TFAP2C: variants seen among roughly 807,000 people sequenced by gnomAD.
The protein encoded by TFAP2C is activating enhancer-binding protein 2 gamma.
In TFAP2C, 9 loss-of-function variants were observed where a neutral mutation model predicts 42.9. The ratio of observed to expected loss-of-function variants is 0.21; its 90% CI spans 0.13 to 0.37. The LOEUF (loss-of-function observed/expected upper bound fraction) is 0.37, where lower values mean the gene tolerates loss of function less well. Ranked by LOEUF, TFAP2C falls within the 10% of genes least tolerant of loss-of-function variation. The pLI is 1.00. For missense variants in TFAP2C, 462 were observed against 591.7 expected (o/e 0.78, Z 2.27); for synonymous variants, 264 against 256.0 (o/e 1.03, Z -0.30).
rs774269899 is a variant in TFAP2C at position 56,629,898 on chromosome 20, C to T, written c.48+306C>T. ...TTCCCGTTTTCTCGGAAAAGTGCCCCGTCTGCAACCCTCAGACGTGGCTTT... is the reference window on the plus strand; with the variant it reads ...TTCCCGTTTTCTCGGAAAAGTGCCCTGTCTGCAACCCTCAGACGTGGCTTT... On this transcript the variant is annotated intron_variant, in intron 1 of 6. Coordinates refer to ENST00000201031, the MANE Select transcript of TFAP2C (RefSeq NM_003222.4). This position sits in a 1 kb window ranked among gnomAD's most constrained non-coding sequence, Gnocchi z 5.9. 1.1e-4 allele frequency among the ~76,000 whole-genome samples: 17 copies of T among 152,154 alleles called. No homozygotes were observed. Among genetic ancestry groups the T allele is most frequent in the Non-Finnish European group, 2.2e-4 (15 of 68,026 alleles).
chr20:56,630,632 G>C lies in TFAP2C; in HGVS notation c.49-573G>C, dbSNP rs1987469728. The C allele has an allele frequency of 4.8e-5, 46 of 951,782 alleles. No individual in the cohort carries two copies. The highest frequency in any genetic ancestry group is 5.8e-5 in the Non-Finnish European group (46 of 799,232). The allele number at this position is 951,782 out of a possible 1,614,324, so 59.0% of individuals were successfully genotyped here. A position where few individuals can be genotyped will look rare whatever the true frequency, so the allele number is the denominator to read the frequency against. ...CTCCCTCTTCACTTCCCAGGGCGGCGCAGGGTGGCGGGCCCTGCTTTCCGA... is the reference window on the plus strand; with the variant it reads ...CTCCCTCTTCACTTCCCAGGGCGGCCCAGGGTGGCGGGCCCTGCTTTCCGA... On this transcript the variant is annotated intron_variant, in intron 1 of 6. Coordinates refer to ENST00000201031, the MANE Select transcript of TFAP2C (RefSeq NM_003222.4). This position sits in a 1 kb window ranked among gnomAD's most constrained non-coding sequence, Gnocchi z 5.1.
intron 3 of TFAP2C, 110 bp from the exon 4 acceptor site, chr20:56,633,243 G>T: frequency 1.3e-6 from 1 of 765,556 alleles, no homozygotes. Context: ...CGTGGGGTGT[G>T]CAATGATGCT....
At position 56,633,447 on chromosome 20, in the gene TFAP2C, C is replaced by G. The variant is rs1987531239; in HGVS notation, c.681C>G (p.Val227=). 6.2e-7 allele frequency: 1 copy of G among 1,614,058 alleles called. No homozygotes were observed. Among genetic ancestry groups the G allele is most frequent in the Non-Finnish European group, 8.5e-7 (1 of 1,179,994 alleles). Residue 227 remains valine (V), a synonymous_variant, in exon 4 of 7, where the codon GTC becomes GTG. Transcript: ENST00000201031. ...VMNPTEVFCS[V]PGRLSLLSST... ...ACCCCACTGAGGTCTTCTGCTCAGT[C>G]CCTGGAAGATTGTCGCTCCTCAGCT...
Position 56,630,775 on chromosome 20 carries a change from C to T in TFAP2C, c.49-430C>T, listed in dbSNP as rs1321394867. 1 of 985,318 alleles carries T rather than the reference C, an allele frequency of 1.0e-6. No individual in the cohort carries two copies. The highest frequency in any genetic ancestry group is 1.2e-6 in the Non-Finnish European group (1 of 829,940). 61.0% of individuals were successfully genotyped at this position (985,318 alleles called of 1,614,324 possible). ...TCCGCGCCTGCCGCGCTGCCACCTC[C>T]AGCAGTCCCTGCGTCATGGGCGGGC... On this transcript the variant is annotated intron_variant, in intron 1 of 6. Transcript: ENST00000201031. The surrounding 1 kb of genome is among the most constrained non-coding windows in gnomAD (Gnocchi z 5.1).
chr20:56,631,263 G>A lies in TFAP2C; in HGVS notation c.107G>A (p.Gly36Glu). 1 of 1,589,838 alleles carries A rather than the reference G, an allele frequency of 6.3e-7. No individual in the cohort carries two copies. The highest frequency in any genetic ancestry group is 8.6e-7 in the Non-Finnish European group (1 of 1,169,250). The change falls in exon 2 of 7, where the codon GGG becomes GAG. Residue 36 changes from glycine (G) to glutamate (E), a missense_variant. This residue lies in a region of TFAP2C where 271 missense variants were observed against 269.7 expected (regional missense o/e 1.00). Coordinates refer to ENST00000201031, the MANE Select transcript of TFAP2C (RefSeq NM_003222.4). This position sits in a 1 kb window ranked among gnomAD's most constrained non-coding sequence, Gnocchi z 6.1. ...CGGGTCCCCCACCTCTCCTCCGCCG[G>A]GCAGCACCTCTACAGCCCCGCGCCA... ...NPRVPHLSSA[G>E]QHLYSPAPPL...
chr20:56,635,460 A>G (rs1209583983), intron 5 of TFAP2C, among the ~76,000 whole-genome samples: 1 of 152,102 alleles, frequency 6.6e-6, no homozygotes, highest in African/African-American at 2.4e-5. Context: ...TTGGACAGGG[A>G]AAAGGGTGCT....
Position 56,630,602 on chromosome 20 carries a change from G to A in TFAP2C, c.49-603G>A. On this transcript the variant is annotated intron_variant, in intron 1 of 6. Coordinates refer to ENST00000201031, the MANE Select transcript of TFAP2C (RefSeq NM_003222.4). The surrounding 1 kb of genome is among the most constrained non-coding windows in gnomAD (Gnocchi z 5.1). ...GCCAGCAGGGAGGGCCGCCCTGTGCGCGCGCTCCCTCTTCACTTCCCAGGG... is the reference window on the plus strand; with the variant it reads ...GCCAGCAGGGAGGGCCGCCCTGTGCACGCGCTCCCTCTTCACTTCCCAGGG... The A allele has an allele frequency of 3.7e-6, 3 of 813,500 alleles. No individual in the cohort carries two copies. The highest frequency in any genetic ancestry group is 4.5e-6 in the Non-Finnish European group (3 of 672,706). The allele number at this position is 813,500 out of a possible 1,614,324, so 50.4% of individuals were successfully genotyped here.
chr20:56,630,770 A>G lies in TFAP2C; in HGVS notation c.49-435A>G. 1.0e-6 allele frequency: 1 copy of G among 985,018 alleles called. No individual in the cohort carries two copies. The highest frequency in any genetic ancestry group is 6.1e-5 in the Admixed American group (1 of 16,280). The allele number at this position is 985,018 out of a possible 1,614,324, so 61.0% of individuals were successfully genotyped here. A position where few individuals can be genotyped will look rare whatever the true frequency, so the allele number is the denominator to read the frequency against. On this transcript the variant is annotated intron_variant, in intron 1 of 6. Transcript: ENST00000201031. The surrounding 1 kb of genome is among the most constrained non-coding windows in gnomAD (Gnocchi z 5.1). ...CTCTATCCGCGCCTGCCGCGCTGCC[A>G]CCTCCAGCAGTCCCTGCGTCATGGG...
chr20:56,630,826 GTCCGGCTCCTTC>G lies in TFAP2C; in HGVS notation c.49-378_49-367del. The G allele has an allele frequency of 1.0e-6, 1 of 985,222 alleles. No homozygotes were observed. The highest frequency in any genetic ancestry group is 1.2e-6 in the Non-Finnish European group (1 of 829,852). 61.0% of individuals were successfully genotyped at this position (985,222 alleles called of 1,614,324 possible). A position where few individuals can be genotyped will look rare whatever the true frequency, so the allele number is the denominator to read the frequency against. ...TCCACGAGATAGCTCTGCACCGGGC[GTCCGGCTCCTTC>G]GCCCCGGGCTCTGGCTCCTTCGCCC... On this transcript the variant is annotated intron_variant, in intron 1 of 6. Coordinates refer to ENST00000201031, the MANE Select transcript of TFAP2C (RefSeq NM_003222.4). The surrounding 1 kb of genome is among the most constrained non-coding windows in gnomAD (Gnocchi z 5.1).
In TFAP2C at chr20:56,638,080, A is replaced by G; in HGVS notation, c.*67A>G. ...GACTGCAAAAATCCTTCTCCACCGCACAGACTGGGAACCCCTCCTGGCCTG... is the reference window on the plus strand; with the variant it reads ...GACTGCAAAAATCCTTCTCCACCGCGCAGACTGGGAACCCCTCCTGGCCTG... On this transcript the variant is annotated 3_prime_UTR_variant, in exon 7 of 7. Transcript: ENST00000201031. 1 of 1,440,468 alleles carries G rather than the reference A, an allele frequency of 6.9e-7. No homozygotes were observed. 89.2% of individuals were successfully genotyped at this position (1,440,468 alleles called of 1,614,324 possible).
rs763221070 is a variant in TFAP2C at position 56,630,335 on chromosome 20, C to T, written c.48+743C>T. 1 of 439,500 alleles carries T rather than the reference C, an allele frequency of 2.3e-6. No homozygotes were observed. The allele number at this position is 439,500 out of a possible 1,614,324, so 27.2% of individuals were successfully genotyped here. A position where few individuals can be genotyped will look rare whatever the true frequency, so the allele number is the denominator to read the frequency against. ...GGCTGCCCCTGCCCGCAGGCCCGGGCGCTTCCGCCAGGAGGCGACAGCGCC... is the reference window on the plus strand; with the variant it reads ...GGCTGCCCCTGCCCGCAGGCCCGGGTGCTTCCGCCAGGAGGCGACAGCGCC... On this transcript the variant is annotated intron_variant, in intron 1 of 6. Transcript: ENST00000201031. This position sits in a 1 kb window ranked among gnomAD's most constrained non-coding sequence, Gnocchi z 5.1.
chr20:56,631,262 G>T lies in TFAP2C; in HGVS notation c.106G>T (p.Gly36Trp). The change falls in exon 2 of 7, where the codon GGG (glycine) becomes TGG (tryptophan). Residue 36 changes from glycine (G) to tryptophan (W), a missense_variant. This residue lies in a region of TFAP2C where 271 missense variants were observed against 269.7 expected (regional missense o/e 1.00). Transcript: ENST00000201031. This position sits in a 1 kb window ranked among gnomAD's most constrained non-coding sequence, Gnocchi z 6.1. ...NPRVPHLSSA[G>W]QHLYSPAPPL... The stretch of plus-strand genomic sequence containing the variant: ...GCGGGTCCCCCACCTCTCCTCCGCC[G>T]GGCAGCACCTCTACAGCCCCGCGCC... 1.3e-6 allele frequency: 2 copies of T among 1,587,362 alleles called. No homozygotes were observed. The highest frequency in any genetic ancestry group is 1.7e-6 in the Non-Finnish European group (2 of 1,168,074).
rs1204681283 is a variant in TFAP2C at position 56,630,868 on chromosome 20, C to A, written c.49-337C>A. 5.1e-6 allele frequency: 5 copies of A among 985,244 alleles called. No homozygotes were observed. In the African/African-American group the frequency reaches 8.7e-5, roughly 17 times the overall value. The allele number at this position is 985,244 out of a possible 1,614,324, so 61.0% of individuals were successfully genotyped here. On this transcript the variant is annotated intron_variant, in intron 1 of 6. Transcript: ENST00000201031. The surrounding 1 kb of genome is among the most constrained non-coding windows in gnomAD (Gnocchi z 5.1). ...CGGGCTCTGGCTCCTTCGCCCCGGG[C>A]TCCGGCCACGGACTTTTCTGGCCCA...
intron 3 of TFAP2C, among the ~76,000 whole-genome samples, chr20:56,633,122 C>T (rs1043320050): frequency 1.3e-5 from 2 of 151,656 alleles, no homozygotes; most frequent in Admixed American, 6.6e-5. Flanking sequence ...TACTTGAGCC[C>T]GCAAGCTGAG....
Position 56,629,637 on chromosome 20 carries a change from TC to T in TFAP2C, c.48+47del. ...TGCAGCCCCGCCCCGCCGAGGACAG[TC>T]CGGGAGGCAGGGGCCACTGGACCGA... On this transcript the variant is annotated intron_variant, in intron 1 of 6. Coordinates refer to ENST00000201031, the MANE Select transcript of TFAP2C (RefSeq NM_003222.4). The surrounding 1 kb of genome is among the most constrained non-coding windows in gnomAD (Gnocchi z 5.9). 2 of 1,368,228 alleles carry T rather than the reference TC, an allele frequency of 1.5e-6. No homozygotes were observed. Among genetic ancestry groups the T allele is most frequent in the Non-Finnish European group, 9.5e-7 (1 of 1,057,446 alleles). 84.8% of individuals were successfully genotyped at this position (1,368,228 alleles called of 1,614,324 possible). A position where few individuals can be genotyped will look rare whatever the true frequency, so the allele number is the denominator to read the frequency against.
At position 56,638,099 on chromosome 20, in the gene TFAP2C, T is replaced by C. The variant is rs1987621055; in HGVS notation, c.*86T>C. On this transcript the variant is annotated 3_prime_UTR_variant, in exon 7 of 7. Transcript: ENST00000201031. ...CACCGCACAGACTGGGAACCCCTCC[T>C]GGCCTGGGGGAAGAGTTTGTTACCT... is the stretch of plus-strand genomic sequence containing the variant. 3.2e-6 allele frequency: 4 copies of C among 1,268,442 alleles called. No individual in the cohort carries two copies. The highest frequency in any genetic ancestry group is 3.0e-5 in the African/African-American group (2 of 66,322). The allele number at this position is 1,268,442 out of a possible 1,614,324, so 78.6% of individuals were successfully genotyped here. A position where few individuals can be genotyped will look rare whatever the true frequency, so the allele number is the denominator to read the frequency against.
chr20:56,632,627 A>C (rs992108023), intron 3 of TFAP2C, among the ~76,000 whole-genome samples: 9 of 152,224 alleles, frequency 5.9e-5, no homozygotes, highest in Non-Finnish European at 1.2e-4. Context: ...AATTTTCAGT[A>C]AACTTAGAAC....
In TFAP2C at chr20:56,630,369, C is replaced by G. The variant is rs774565375; in HGVS notation, c.48+777C>G. 1 of 459,044 alleles carries G rather than the reference C, an allele frequency of 2.2e-6. No individual in the cohort carries two copies. Among genetic ancestry groups the G allele is most frequent in the South Asian group, 1.6e-5 (1 of 63,632 alleles). 28.4% of individuals were successfully genotyped at this position (459,044 alleles called of 1,614,324 possible). A position where few individuals can be genotyped will look rare whatever the true frequency, so the allele number is the denominator to read the frequency against. ...CAGGAGGCGACAGCGCCATGTTCCT[C>G]CAGGTTCCCGGCGCCCCGAGACCCC... On this transcript the variant is annotated intron_variant, in intron 1 of 6. Transcript: ENST00000201031. The surrounding 1 kb of genome is among the most constrained non-coding windows in gnomAD (Gnocchi z 5.1).
intron 5 of TFAP2C, 122 bp downstream of exon 5, chr20:56,634,390 T>C: frequency 1.4e-6 from 1 of 700,622 alleles, no homozygotes; most frequent in Non-Finnish European, 2.5e-6. Context: ...ATGAAAGCAA[T>C]TGGAATTGTT....
Sources: gnomAD v4.1 joint callset for allele counts (sites outside exome capture counted in the v4.1 genomes callset) on GRCh38, gnomAD v4.1.1 for gene constraint, gnomAD v4.1.1 regional missense constraint, Gnocchi (gnomAD v3.1) non-coding constraint, MANE v1.5 for transcripts, NCBI Gene and HGNC (gene_info 2026-07-23, HGNC 2026-07-21) for gene names.